RUVBL1: variants seen among roughly 807,000 people sequenced by gnomAD.
RUVBL1 encodes the protein ruvB-like 1.
A neutral mutation model predicts 52.4 loss-of-function variants in RUVBL1; 4 were observed. The observed-to-expected ratio is 0.08, with a 90% confidence interval of 0.04 to 0.17. The LOEUF (loss-of-function observed/expected upper bound fraction) is 0.17. Ranked by LOEUF, RUVBL1 falls within the 10% of genes least tolerant of loss-of-function variation. The pLI, the probability that RUVBL1 is intolerant of heterozygous loss-of-function variation, is 1.00. For missense variants in RUVBL1, 298 were observed against 572.8 expected (o/e 0.52, Z 4.90); for synonymous variants, 217 against 214.4 (o/e 1.01, Z -0.10).
chr3:128,101,495 G>C, intron 5 of RUVBL1, 64 bp downstream of exon 5: 1 of 1,480,222 alleles, frequency 6.8e-7, no homozygotes. Context: ...CAACTCCCTT[G>C]TCACTTAGGT....
chr3:128,086,288 T>A (rs1942643091), intron 9 of RUVBL1, among the ~76,000 whole-genome samples: 1 of 152,226 alleles, frequency 6.6e-6, no homozygotes, highest in Non-Finnish European at 1.5e-5. Context: ...TGAGTCACCA[T>A]GCCTGGGCAA....
exon 1 of RUVBL1, chr3:128,153,767 A>G: frequency 6.5e-7 from 1 of 1,541,808 alleles, no homozygotes; most frequent in Non-Finnish European, 8.7e-7. Flanking sequence ...CCACTGCTTC[A>G]GGTCACGCTG....
intron 5 of RUVBL1, 70 bp from the exon 6 acceptor site, chr3:128,100,814 A>T (rs886112471): frequency 1.1e-4 from 176 of 1,576,402 alleles, no homozygotes; most frequent in Middle Eastern, 3.3e-4. Flanking sequence ...CACAGGGCTA[A>T]GTGAGATAAA....
In RUVBL1 at chr3:128,082,397, G is replaced by C. The variant is rs1055163773; in HGVS notation, c.1211+86C>G. ...GGATAGAGTCCCATGCCCTAGGAAG[G>C]GACCTGCCTTTATTGTCCAGAATGA... is the stretch of plus-strand genomic sequence containing the variant. On this transcript the variant is annotated intron_variant, in intron 10 of 10. Transcript: ENST00000322623. This position sits in a 1 kb window ranked among gnomAD's most constrained non-coding sequence, Gnocchi z 4.7. 3 of 1,001,096 alleles carry C rather than the reference G, an allele frequency of 3.0e-6. 1 individual carries two copies. Among genetic ancestry groups the C allele is most frequent in the Non-Finnish European group, 4.7e-6 (3 of 631,780 alleles). 62.0% of individuals were successfully genotyped at this position (1,001,096 alleles called of 1,614,324 possible). A position where few individuals can be genotyped will look rare whatever the true frequency, so the allele number is the denominator to read the frequency against.
intron 8 of RUVBL1, among the ~76,000 whole-genome samples, chr3:128,095,522 C>T (rs1190687134): frequency 1.3e-5 from 2 of 152,256 alleles, no homozygotes; most frequent in Non-Finnish European, 2.9e-5. Flanking sequence ...ACTTAGGAAG[C>T]ACTTATGACA....
intron 1 of RUVBL1, among the ~76,000 whole-genome samples, chr3:128,143,767 C>T (rs1382517371): frequency 5.3e-5 from 8 of 152,120 alleles, no homozygotes; most frequent in African/African-American, 1.9e-4. Flanking sequence ...ATGGACCATG[C>T]TGCTTGGTTA....
intron 9 of RUVBL1, among the ~76,000 whole-genome samples, chr3:128,074,336 C>G (rs1942247459): frequency 6.6e-6 from 1 of 150,716 alleles, no homozygotes; most frequent in Admixed American, 6.6e-5. Flanking sequence ...TGTATGATGC[C>G]ATTTACATGA....
chr3:128,147,959 T>C (rs1944128536), intron 1 of RUVBL1, among the ~76,000 whole-genome samples: 1 of 152,194 alleles, frequency 6.6e-6, no homozygotes, highest in South Asian at 2.1e-4. Context: ...TGGATAAATC[T>C]CAAATGCATT....
At chr3:128,138,059 A>G (rs1347308385) in intron 1 of RUVBL1, among the ~76,000 whole-genome samples, 2 of 152,190 alleles carry the variant, frequency 1.3e-5, no homozygotes, top group African/African-American at 4.8e-5. Context: ...AATACAAGCC[A>G]TATACAACAG....
rs115964618 is a variant in RUVBL1, at chr3:128,123,506, C to G, written c.141+78G>C. ...GACCCCTGGCGCGCGCATCCCGCCCCGAGCCACCGACTTCAGCAGCTCTCT... is the reference window on the plus strand; with the variant it reads ...GACCCCTGGCGCGCGCATCCCGCCCGGAGCCACCGACTTCAGCAGCTCTCT... On this transcript the variant is annotated intron_variant, in intron 1 of 10. Transcript: ENST00000322623. 5.5e-3 allele frequency: 7,758 copies of G among 1,412,252 alleles called. 369 individuals carry two copies. In the African/African-American group the frequency reaches 0.098, roughly 18 times the overall value. 87.5% of individuals were successfully genotyped at this position (1,412,252 alleles called of 1,614,324 possible).
chr3:128,092,085 A>C (rs1942856149), intron 8 of RUVBL1, among the ~76,000 whole-genome samples: 1 of 152,248 alleles, frequency 6.6e-6, no homozygotes, highest in Non-Finnish European at 1.5e-5. Flanking sequence ...GAGGCTGCCA[A>C]AACAATTCAA....
intron 1 of RUVBL1, among the ~76,000 whole-genome samples, chr3:128,138,990 T>C (rs1943983013): frequency 1.3e-5 from 2 of 151,992 alleles, no homozygotes; most frequent in African/African-American, 4.8e-5. Context: ...TGGATAGCCA[T>C]ACGAGAGAAA....
Position 128,067,756 on chromosome 3 carries a change from G to A in RUVBL1, c.940-2536C>T. 1.4e-6 allele frequency: 1 copy of A among 706,686 alleles called. No homozygotes were observed. Among genetic ancestry groups the A allele is most frequent in the African/African-American group, 1.8e-5 (1 of 56,188 alleles). 43.8% of individuals were successfully genotyped at this position (706,686 alleles called of 1,614,324 possible). On this transcript the variant is annotated intron_variant, in intron 9 of 9. Coordinates refer to the RUVBL1 transcript ENST00000464873. This position sits in a 1 kb window ranked among gnomAD's most constrained non-coding sequence, Gnocchi z 4.1. ...TTAGGGGGCAGTTCAGAAGCTTTAAGGGCTGACAGATGGAGTCCAGCAGTA... is the reference window on the plus strand; with the variant it reads ...TTAGGGGGCAGTTCAGAAGCTTTAAAGGCTGACAGATGGAGTCCAGCAGTA...
At chr3:128,071,236 C>T (rs1942158680) in intron 9 of RUVBL1, 1 of 152,964 alleles carries the variant, frequency 6.5e-6, no homozygotes, top group Non-Finnish European at 1.5e-5. Flanking sequence ...GCCCCAGGCT[C>T]CTCCATATGG....
chr3:128,149,189 CTTT>C (rs34444238), intron 1 of RUVBL1, among the ~76,000 whole-genome samples: 14 of 132,994 alleles, frequency 1.1e-4, no homozygotes, highest in Non-Finnish European at 1.1e-4. Flanking sequence ...TTCTTTCTTT[CTTT>C]TTTTTTTTTT....
chr3:128,126,506 A>T (rs1943795400), upstream of RUVBL1, among the ~76,000 whole-genome samples: 1 of 151,644 alleles, frequency 6.6e-6, no homozygotes, highest in South Asian at 2.1e-4. Flanking sequence ...AGATCGTGCC[A>T]TTGCACTCCA....
chr3:128,150,913 C>CTA (rs1264920870), intron 1 of RUVBL1, among the ~76,000 whole-genome samples: 3,209 of 60,386 alleles, frequency 0.053, 145 homozygotes, highest in African/African-American at 0.078. Flanking sequence ...ATATAATATT[C>CTA]TATATTATAT....
chr3:128,097,695 AG>A (rs1311860840), intron 7 of RUVBL1, among the ~76,000 whole-genome samples, 197 bp from the exon 8 acceptor site: 1 of 152,274 alleles, frequency 6.6e-6, no homozygotes, highest in South Asian at 2.1e-4. Flanking sequence ...CACACCTAAA[AG>A]GTCACAAAAT....
At chr3:128,106,477 T>G (rs193122291) in intron 3 of RUVBL1, among the ~76,000 whole-genome samples, 1 of 147,134 alleles carries the variant, frequency 6.8e-6, no homozygotes, top group East Asian at 2.2e-4. Context: ...CCTTCACACA[T>G]TCTTCTTCCT....
Sources: gnomAD v4.1 joint callset for allele counts (sites outside exome capture counted in the v4.1 genomes callset) on GRCh38, gnomAD v4.1.1 for gene constraint, Gnocchi (gnomAD v3.1) non-coding constraint, MANE v1.5 for transcripts, NCBI Gene and HGNC (gene_info 2026-07-23, HGNC 2026-07-21) for gene names.